Variants in ABCA4 observed in about 807,000 individuals in gnomAD.
ABCA4 encodes the protein retinal-specific phospholipid-transporting ATPase ABCA4.
A neutral mutation model predicts 263.7 loss-of-function variants in ABCA4; 196 were observed. The ratio of observed to expected loss-of-function variants is 0.74; its 90% CI spans 0.66 to 0.84. The LOEUF (loss-of-function observed/expected upper bound fraction) is 0.84. ABCA4 is among the 40% of genes least tolerant of loss of function. The pLI is 0.00. For synonymous variants in ABCA4, 1,133 were observed against 1,094.2 expected (o/e 1.04, Z -0.70); for missense variants, 2,792 against 2,855.1 (o/e 0.98, Z 0.50).
Position 94,019,032 on chromosome 1 carries a change from T to G in ABCA4, c.5196+550A>C, listed in dbSNP as rs1030369187. Among the ~76,000 whole-genome samples, 1,153 of 146,224 alleles carry G rather than the reference T, an allele frequency of 7.9e-3. 20 individuals carry two copies. Among genetic ancestry groups the G allele is most frequent in the African/African-American group, 0.028 (1,087 of 39,028 alleles). ...ATAAACAACCAGGTTTTTTTTTTTT[T>G]TTTTTTTTTTTTTAGTGTAGATATG... is the stretch of plus-strand genomic sequence containing the variant. On this transcript the variant is annotated intron_variant, in intron 36 of 49. Transcript: ENST00000370225.
chr1:94,063,384 A>C, intron 11 of ABCA4, 67 bp from the exon 12 acceptor site: 2 of 1,448,072 alleles, frequency 1.4e-6, no homozygotes, highest in East Asian at 2.3e-5. Flanking sequence ...CTCTACACAC[A>C]GAAAGTCACA....
At chr1:94,011,235 G>C in intron 39 of ABCA4, 27 bp downstream of exon 39, 1 of 1,613,880 alleles carries the variant, frequency 6.2e-7, no homozygotes, top group Non-Finnish European at 8.5e-7. Flanking sequence ...CAGGGCCCAT[G>C]CTCCATGGGC....
chr1:94,016,564 G>A (rs532937815), intron 36 of ABCA4, among the ~76,000 whole-genome samples: 19 of 152,260 alleles, frequency 1.2e-4, no homozygotes, highest in Middle Eastern at 3.4e-3. Flanking sequence ...GTATAGGTCC[G>A]GTAGATAAAT....
chr1:94,072,956 G>T (rs1373098104), intron 11 of ABCA4, among the ~76,000 whole-genome samples: 1 of 152,126 alleles, frequency 6.6e-6, no homozygotes, highest in African/African-American at 2.4e-5. Context: ...AGAAATGCCA[G>T]CATGGTGGTT....
At chr1:94,045,212 A>T (rs1660641906) in intron 19 of ABCA4, among the ~76,000 whole-genome samples, 1 of 152,200 alleles carries the variant, frequency 6.6e-6, no homozygotes, top group Non-Finnish European at 1.5e-5. Flanking sequence ...AACCCTAAGC[A>T]GTCCTAGGCA....
At chr1:94,020,518 G>GAAAGTGTGGCTGAGTGAGAAT (rs771508074) in intron 35 of ABCA4, among the ~76,000 whole-genome samples, 6 of 152,024 alleles carry the variant, frequency 3.9e-5, no homozygotes, top group Non-Finnish European at 7.3e-5. Flanking sequence ...GGAGACACAC[G>GAAAGTGTGGCTGAGTGAGAAT]AAAGTGTGGC....
At position 94,079,478 on chromosome 1, in the gene ABCA4, G is replaced by A; in HGVS notation, c.1100-17C>T. On this transcript the variant is annotated splice_polypyrimidine_tract_variant and intron_variant, in intron 8 of 49. Transcript: ENST00000370225. ...AAAAGGATGCTGCCAGGAGACAAGG[G>A]ACAGATTTTACAGAAACTCCCCATT... The A allele has an allele frequency of 1.9e-6, 3 of 1,614,124 alleles. No homozygotes were observed. The highest frequency in any genetic ancestry group is 2.5e-6 in the Non-Finnish European group (3 of 1,180,022).
chr1:93,997,405 G>A (rs1480458419), intron 48 of ABCA4, among the ~76,000 whole-genome samples: 2 of 149,998 alleles, frequency 1.3e-5, no homozygotes, highest in African/African-American at 4.9e-5. Context: ...CCACAGGCAT[G>A]CACCACCACG....
chr1:94,005,393 C>G, intron 44 of ABCA4, 48 bp downstream of exon 44: 1 of 1,612,652 alleles, frequency 6.2e-7, no homozygotes, highest in Non-Finnish European at 8.5e-7. Flanking sequence ...ATGAAACAGG[C>G]TTGTAATTAA....
chr1:94,112,159 G>A (rs1048699745), intron 2 of ABCA4, among the ~76,000 whole-genome samples: 4 of 152,186 alleles, frequency 2.6e-5, no homozygotes, highest in East Asian at 1.9e-4. Context: ...ATAGAGGGCC[G>A]GAAACCAGGT....
At position 94,048,973 on chromosome 1, in the gene ABCA4, G is replaced by A. The variant is rs752561011; in HGVS notation, c.2654-16C>T. ...GTTGAACACCCTGCACCAATCAGAA[G>A]CCAGTGTTACTCTACCACCGGGAGC... On this transcript the variant is annotated splice_polypyrimidine_tract_variant and intron_variant, in intron 17 of 49. Transcript: ENST00000370225. The A allele has an allele frequency of 1.9e-6, 3 of 1,613,010 alleles. No individual in the cohort carries two copies. Among genetic ancestry groups the A allele is most frequent in the Non-Finnish European group, 2.5e-6 (3 of 1,179,162 alleles).
At chr1:94,077,561 G>A (rs950060849) in intron 11 of ABCA4, 129 bp downstream of exon 11, 8 of 838,400 alleles carry the variant, frequency 9.5e-6, no homozygotes, top group African/African-American at 5.1e-5. Context: ...AGGGGATGTA[G>A]GGATTCTTGT....
intron 7 of ABCA4, among the ~76,000 whole-genome samples, chr1:94,081,885 G>A (rs1027684115): frequency 2.0e-5 from 3 of 152,198 alleles, no homozygotes; most frequent in African/African-American, 7.2e-5. Flanking sequence ...GGGAAAATAC[G>A]AAATTAAAAT....
intron 26 of ABCA4, among the ~76,000 whole-genome samples, chr1:94,035,073 C>T (rs1247216039): frequency 2.6e-5 from 4 of 152,340 alleles, no homozygotes; most frequent in African/African-American, 9.6e-5. Flanking sequence ...AGAGGCTACA[C>T]TCTTACCCAC....
In ABCA4 at chr1:93,998,000, A is replaced by G; in HGVS notation, c.6590T>C (p.Val2197Ala). The G allele has an allele frequency of 6.2e-7, 1 of 1,614,182 alleles. No individual in the cohort carries two copies. The highest frequency in any genetic ancestry group is 8.5e-7 in the Non-Finnish European group (1 of 1,180,030). Residue 2197 changes from valine (V) to alanine (A), a missense_variant, in exon 48 of 50, where the codon GTG becomes GCG. Coordinates refer to ENST00000370225, the MANE Select transcript of ABCA4 (RefSeq NM_000350.3). ...CATGTTGTAGTGCCTCTCCCTCTGC[A>G]CACTGCCTGGGAAGTTCCCCTGGAA... ...QFFQGNFPGS[V>A]QRERHYNMLQ...
At chr1:94,089,865 T>G (rs1661925096) in intron 6 of ABCA4, among the ~76,000 whole-genome samples, 1 of 152,246 alleles carries the variant, frequency 6.6e-6, no homozygotes, top group African/African-American at 2.4e-5. Flanking sequence ...ACATGTGAAC[T>G]ATACATACAT....
chr1:94,065,149 T>C (rs925031228), intron 11 of ABCA4, among the ~76,000 whole-genome samples: 3 of 151,996 alleles, frequency 2.0e-5, no homozygotes, highest in Non-Finnish European at 4.4e-5. Flanking sequence ...AATTTCACCT[T>C]CAGGCCTAGA....
At chr1:94,101,097 C>T (rs1662274917) in intron 5 of ABCA4, among the ~76,000 whole-genome samples, 1 of 152,244 alleles carries the variant, frequency 6.6e-6, no homozygotes, top group African/African-American at 2.4e-5. Context: ...CCTGGTGACC[C>T]CGGCCTCCAT....
Position 94,108,751 on chromosome 1 carries a change from C to T in ABCA4, c.303-35G>A, listed in dbSNP as rs780795321. On this transcript the variant is annotated intron_variant, in intron 3 of 49. Coordinates refer to ENST00000370225, the MANE Select transcript of ABCA4 (RefSeq NM_000350.3). ...CAAAGCCTCATTAATAAGGAAATAGCTGTTATTTTTATAACAGTAATAATA... is the reference window on the plus strand; with the variant it reads ...CAAAGCCTCATTAATAAGGAAATAGTTGTTATTTTTATAACAGTAATAATA... 4 of 1,611,878 alleles carry T rather than the reference C, an allele frequency of 2.5e-6. No individual in the cohort carries two copies. In the South Asian group the frequency reaches 3.3e-5, roughly 13 times the overall value.
Sources: gnomAD v4.1 joint callset for allele counts (sites outside exome capture counted in the v4.1 genomes callset) on GRCh38, gnomAD v4.1.1 for gene constraint, MANE v1.5 for transcripts, NCBI Gene and HGNC (gene_info 2026-07-23, HGNC 2026-07-21) for gene names.